The following FREM3 variants were observed in gnomAD, a reference collection of about 807,000 sequenced individuals.
FREM3 encodes the protein FRAS1-related extracellular matrix protein 3.
A neutral mutation model predicts 129.1 loss-of-function variants in FREM3; 105 were observed. That is an observed-to-expected ratio of 0.81 (90% CI 0.69 to 0.96). FREM3 has a LOEUF of 0.96. FREM3 is among the 40% of genes least tolerant of loss of function. FREM3 has a pLI of 0.00. For missense variants in FREM3, 2,593 were observed against 2,666.3 expected, an observed-to-expected ratio of 0.97 and a Z score of 0.61; for synonymous variants, 1,014 against 1,044.9, an observed-to-expected ratio of 0.97 and a Z score of 0.57.
intron 6 of FREM3, among the ~76,000 whole-genome samples, chr4:143,603,453 T>C (rs1738610380): frequency 6.6e-6 from 1 of 152,170 alleles, no homozygotes; most frequent in African/African-American, 2.4e-5. Context: ...CTCCCAGTTG[T>C]CTCTGATTAT....
chr4:143,589,546 G>T (rs1738315837), intron 6 of FREM3, among the ~76,000 whole-genome samples: 1 of 152,134 alleles, frequency 6.6e-6, no homozygotes. Context: ...AGATCAGATA[G>T]TTGTAGATAT....
intron 6 of FREM3, among the ~76,000 whole-genome samples, chr4:143,598,179 G>C (rs758386652): frequency 1.3e-5 from 2 of 152,228 alleles, no homozygotes; most frequent in African/African-American, 2.4e-5. Flanking sequence ...GTCCACTGCA[G>C]TGGCCCTCAG....
At chr4:143,636,153 C>T (rs990025528) in intron 2 of FREM3, among the ~76,000 whole-genome samples, 4 of 149,616 alleles carry the variant, frequency 2.7e-5, no homozygotes, top group Non-Finnish European at 4.4e-5. Flanking sequence ...CAGTAGAAAA[C>T]ATTGTTTTTG....
At chr4:143,662,067 G>GTT (rs1739739532) in intron 2 of FREM3, among the ~76,000 whole-genome samples, 1 of 151,702 alleles carries the variant, frequency 6.6e-6, no homozygotes. Flanking sequence ...TTTTTTGAAG[G>GTT]GTTTTTTGTG....
At chr4:143,650,888 C>A (rs2149848773) in intron 2 of FREM3, among the ~76,000 whole-genome samples, 1 of 152,308 alleles carries the variant, frequency 6.6e-6, no homozygotes, top group East Asian at 1.9e-4. Flanking sequence ...TCACAATGGA[C>A]TTTTCTTTCC....
intron 2 of FREM3, among the ~76,000 whole-genome samples, chr4:143,672,683 G>C (rs1268853437): frequency 1.3e-5 from 2 of 152,210 alleles, no homozygotes; most frequent in Non-Finnish European, 2.9e-5. Context: ...ATCCTGCAGA[G>C]TGTTTTCCAA....
At chr4:143,583,623 C>T (rs1036082273) in intron 7 of FREM3, among the ~76,000 whole-genome samples, 1 of 151,710 alleles carries the variant, frequency 6.6e-6, no homozygotes, top group East Asian at 1.9e-4. Flanking sequence ...AGAAACTCTA[C>T]AGGCCAGAAG....
intron 5 of FREM3, among the ~76,000 whole-genome samples, chr4:143,615,721 A>AC (rs1244828229): frequency 5.3e-5 from 8 of 151,980 alleles, no homozygotes; most frequent in African/African-American, 1.9e-4. Flanking sequence ...AAAAAAACAA[A>AC]AACCCAAAAA....
In FREM3 at chr4:143,621,269, A is replaced by G. The variant is rs184201781; in HGVS notation, c.5654-107T>C. On this transcript the variant is annotated intron_variant, in intron 4 of 7. Transcript: ENST00000329798. The stretch of plus-strand genomic sequence containing the variant: ...AAGCCTTTGACTCTTATATTTTCCA[A>G]CATGATTAACTGTATTAAATATAGT... The G allele has an allele frequency of 3.2e-4, 317 of 991,298 alleles. 1 individual carries two copies. The African/African-American group carries it at 4.2e-3, about 13-fold the overall frequency. 61.4% of individuals were successfully genotyped at this position (991,298 alleles called of 1,614,324 possible).
intron 2 of FREM3, among the ~76,000 whole-genome samples, chr4:143,660,301 T>A (rs1431777589): frequency 6.6e-6 from 1 of 152,154 alleles, no homozygotes; most frequent in Non-Finnish European, 1.5e-5. Context: ...TTTCTACATA[T>A]GGCTAGCCAG....
Position 143,699,142 on chromosome 4 carries a change from T to A in FREM3, c.1534A>T (p.Thr512Ser). The A allele has an allele frequency of 1.3e-6, 2 of 1,537,294 alleles. No homozygotes were observed. ...CGGAAGATGATATTGTCACTGTAGGTGTTGCTGCCATCATGCTGATACACC... is the reference window on the plus strand; with the variant it reads ...CGGAAGATGATATTGTCACTGTAGGAGTTGCTGCCATCATGCTGATACACC... ...RVVYQHDGSN[T>S]YSDNIIFRME... The change falls in exon 1 of 8, where the codon ACC becomes TCC. Residue 512 changes from threonine to serine, a missense_variant. By Grantham distance (58) the Thr-to-Ser change is moderately conservative. This residue lies in a region of FREM3 where 2,276 missense variants were observed against 2,267.2 expected (regional missense o/e 1.00). Transcript: ENST00000329798. This position sits in a 1 kb window ranked among gnomAD's most constrained non-coding sequence, Gnocchi z 4.2.
rs1413151242 is a variant in FREM3, at chr4:143,660,912, T to G, written c.5275+32201A>C. 5.3e-5 allele frequency among the ~76,000 whole-genome samples: 8 copies of G among 152,334 alleles called. No homozygotes were observed. In the Middle Eastern group the frequency reaches 0.017, roughly 324 times the overall value. Reference sequence around the variant, plus strand: ...TCTGTCATTGGTGTATAAGAATGTTTGTGATTTTTGTACATTGATTTTGTA... The same window carrying G: ...TCTGTCATTGGTGTATAAGAATGTTGGTGATTTTTGTACATTGATTTTGTA... On this transcript the variant is annotated intron_variant, in intron 2 of 7. Coordinates refer to ENST00000329798, the MANE Select transcript of FREM3 (RefSeq NM_001168235.2).
rs758475790 is a variant in FREM3 at position 143,577,740 on chromosome 4, G to A, written c.6291C>T (p.Gly2097=). The change falls in exon 8 of 8, where the codon GGC becomes GGT. Residue 2097 remains glycine (G), a synonymous_variant. Coordinates refer to ENST00000329798, the MANE Select transcript of FREM3 (RefSeq NM_001168235.2). ...LDDLGQPTLE[G]PEKFELLLQM... The stretch of plus-strand genomic sequence containing the variant: ...GAAGAAGTAATTCAAACTTCTCTGG[G>A]CCTTCCAAGGTAGGCTGTCCCAGGT... The A allele has an allele frequency of 2.0e-6, 3 of 1,537,294 alleles. No homozygotes were observed. Among genetic ancestry groups the A allele is most frequent in the South Asian group, 2.4e-5 (2 of 84,052 alleles).
At chr4:143,683,986 C>A (rs1740307164) in intron 2 of FREM3, among the ~76,000 whole-genome samples, 1 of 152,194 alleles carries the variant, frequency 6.6e-6, no homozygotes, top group Admixed American at 6.5e-5. Context: ...CCATTCCCCA[C>A]AGCAGCTGCT....
intron 2 of FREM3, among the ~76,000 whole-genome samples, chr4:143,677,249 A>G (rs1475019769): frequency 6.6e-6 from 1 of 152,170 alleles, no homozygotes; most frequent in Non-Finnish European, 1.5e-5. Context: ...CACATCTACA[A>G]CTATCTGATC....
chr4:143,666,503 G>GT (rs765656470), intron 2 of FREM3, among the ~76,000 whole-genome samples: 1 of 152,132 alleles, frequency 6.6e-6, no homozygotes, highest in African/African-American at 2.4e-5. Flanking sequence ...CAATAGATGA[G>GT]TGGATAGACA....
At chr4:143,658,561 T>C (rs552736949) in intron 2 of FREM3, among the ~76,000 whole-genome samples, 6 of 152,348 alleles carry the variant, frequency 3.9e-5, no homozygotes, top group Non-Finnish European at 7.3e-5. Flanking sequence ...AAACCTTTCC[T>C]GTTTCCTCAG....
intron 2 of FREM3, among the ~76,000 whole-genome samples, chr4:143,646,508 A>C (rs1408260716): frequency 6.6e-6 from 1 of 152,158 alleles, no homozygotes; most frequent in Non-Finnish European, 1.5e-5. Flanking sequence ...AGTTTCAGCC[A>C]TGCTGGTCTT....
intron 2 of FREM3, among the ~76,000 whole-genome samples, chr4:143,672,186 G>A (rs1740733052): frequency 6.6e-6 from 1 of 152,198 alleles, no homozygotes; most frequent in Non-Finnish European, 1.5e-5. Flanking sequence ...ATCCTTATAA[G>A]TTCAGCATAA....
Sources: allele counts gnomAD v4.1 joint callset (sites outside exome capture counted in the v4.1 genomes callset), GRCh38; gene constraint gnomAD v4.1.1; regional missense constraint gnomAD v4.1.1; non-coding constraint Gnocchi (gnomAD v3.1); transcripts MANE v1.5; gene names NCBI Gene and HGNC (gene_info 2026-07-23, HGNC 2026-07-21).